ZMYM2: variants seen among roughly 807,000 people sequenced by gnomAD.
ZMYM2 encodes zinc finger MYM-type protein 2.
ZMYM2 carries 56 observed loss-of-function variants against 162.8 expected under a neutral mutation model. The ratio of observed to expected loss-of-function variants is 0.34; its 90% CI spans 0.28 to 0.43. The LOEUF (loss-of-function observed/expected upper bound fraction) is 0.43. Among genes scored for constraint, ZMYM2 ranks in the 20% least tolerant of loss-of-function variants. The pLI is 1.00. For synonymous variants in ZMYM2, 510 were observed against 541.6 expected, an observed-to-expected ratio of 0.94 and a Z score of 0.81; for missense variants, 1,275 against 1,621.8, an observed-to-expected ratio of 0.79 and a Z score of 3.67.
chr13:19,883,045 AC>A, the ZMYM2 span, among the ~76,000 whole-genome samples: 1 of 152,250 alleles, frequency 6.6e-6, no homozygotes, highest in Admixed American at 6.5e-5. Context: ...TGTGGTCTAT[AC>A]ATACAATGGA....
chr13:19,883,302 A>G, the ZMYM2 span, among the ~76,000 whole-genome samples: 2 of 152,186 alleles, frequency 1.3e-5, no homozygotes, highest in Non-Finnish European at 2.9e-5. Flanking sequence ...GGATGATGAA[A>G]ATGTTTTATA....
At chr13:20,056,974 C>T (rs1322903175) in intron 14 of ZMYM2, among the ~76,000 whole-genome samples, 3 of 152,180 alleles carry the variant, frequency 2.0e-5, no homozygotes, top group East Asian at 3.8e-4. Context: ...CAACAAGGCA[C>T]AAGAGCCAGT....
At chr13:19,962,722 C>T (rs1420301261) in intron 2 of ZMYM2, among the ~76,000 whole-genome samples, 1 of 151,170 alleles carries the variant, frequency 6.6e-6, no homozygotes, top group African/African-American at 2.4e-5. Context: ...CAGGATTTCA[C>T]CATGTTGGTC....
Position 20,086,425 on chromosome 13 carries a change from T to G in ZMYM2, c.*411T>G, listed in dbSNP as rs900546112. On this transcript the variant is annotated 3_prime_UTR_variant, in exon 25 of 25. Coordinates refer to ENST00000610343, the MANE Select transcript of ZMYM2 (RefSeq NM_197968.4). Reference sequence around the variant, plus strand: ...CCAGATGGTTGTGTATGGGTAGCACTACTAAAAGTTTAGAACTTGCAGTGT... The same window carrying G: ...CCAGATGGTTGTGTATGGGTAGCACGACTAAAAGTTTAGAACTTGCAGTGT... 1 of 224,586 alleles carries G rather than the reference T, an allele frequency of 4.5e-6. No homozygotes were observed. Among genetic ancestry groups the G allele is most frequent in the African/African-American group, 2.2e-5 (1 of 44,882 alleles). The allele number at this position is 224,586 out of a possible 1,614,324, so 13.9% of individuals were successfully genotyped here.
At chr13:19,958,651 C>G (rs989277879), upstream of ZMYM2, 74 of 152,668 alleles carry the variant, frequency 4.8e-4, no homozygotes, top group Admixed American at 7.8e-4. Flanking sequence ...CTCCGGCCAG[C>G]CTTCCCCGTC....
At position 20,034,419 on chromosome 13, in the gene ZMYM2, C is replaced by T; in HGVS notation, c.2119+15C>T. 2 of 1,521,178 alleles carry T rather than the reference C, an allele frequency of 1.3e-6. No homozygotes were observed. Among genetic ancestry groups the T allele is most frequent in the Non-Finnish European group, 1.8e-6 (2 of 1,136,730 alleles). The allele number at this position is 1,521,178 out of a possible 1,614,324, so 94.2% of individuals were successfully genotyped here. Reference sequence around the variant, plus strand: ...CTGTAGTGAAGGCAAGTTGCATATACAGTGTTGTTCATAACATTTATTGAT... The same window carrying T: ...CTGTAGTGAAGGCAAGTTGCATATATAGTGTTGTTCATAACATTTATTGAT... On this transcript the variant is annotated intron_variant, in intron 11 of 24. Coordinates refer to ENST00000610343, the MANE Select transcript of ZMYM2 (RefSeq NM_197968.4).
intron 4 of ZMYM2, among the ~76,000 whole-genome samples, chr13:20,003,470 T>A (rs906588722): frequency 3.3e-5 from 5 of 152,228 alleles, no homozygotes; most frequent in Non-Finnish European, 7.3e-5. Flanking sequence ...TTTTACCCTG[T>A]CTTCAGATCA....
intron 6 of ZMYM2, among the ~76,000 whole-genome samples, chr13:20,015,060 C>T (rs568759571): frequency 7.9e-5 from 12 of 152,180 alleles, no homozygotes; most frequent in African/African-American, 2.9e-4. Flanking sequence ...CGTGCCTGGA[C>T]TTACTTTCTT....
the ZMYM2 span, among the ~76,000 whole-genome samples, chr13:19,944,970 C>A: frequency 6.6e-6 from 1 of 151,362 alleles, no homozygotes; most frequent in Non-Finnish European, 1.5e-5. Context: ...TGCGCCCGGC[C>A]CCTATTTTTT....
At chr13:19,972,945 T>G (rs1956455372) in intron 2 of ZMYM2, among the ~76,000 whole-genome samples, 1 of 149,936 alleles carries the variant, frequency 6.7e-6, no homozygotes, top group South Asian at 2.1e-4. Flanking sequence ...GTTTTTTTGT[T>G]TTTTTTTTGA....
intron 10 of ZMYM2, among the ~76,000 whole-genome samples, chr13:20,032,110 ATCC>A (rs1953218312): frequency 2.6e-5 from 4 of 152,020 alleles, no homozygotes; most frequent in Non-Finnish European, 5.9e-5. Context: ...ACCTCAACTG[ATCC>A]GCCCACCTCA....
chr13:19,961,793 A>T (rs538134607), intron 2 of ZMYM2, among the ~76,000 whole-genome samples: 73 of 152,346 alleles, frequency 4.8e-4, no homozygotes, highest in African/African-American at 1.6e-3. Flanking sequence ...TTACTTAAAA[A>T]CAGCAACTAG....
At chr13:20,066,219 CAG>C (rs1351629538) in intron 19 of ZMYM2, among the ~76,000 whole-genome samples, 4 of 152,148 alleles carry the variant, frequency 2.6e-5, no homozygotes, top group African/African-American at 4.8e-5. Flanking sequence ...ACAGATTAAA[CAG>C]ATAACTATAT....
intron 2 of ZMYM2, among the ~76,000 whole-genome samples, chr13:19,977,711 C>T (rs1169124842): frequency 6.7e-6 from 1 of 149,658 alleles, no homozygotes; most frequent in African/African-American, 2.5e-5. Flanking sequence ...AGGATGGTCT[C>T]GATCTCCTGA....
chr13:19,961,303 A>G (rs1257219756), intron 2 of ZMYM2, among the ~76,000 whole-genome samples: 1 of 152,202 alleles, frequency 6.6e-6, no homozygotes, highest in Non-Finnish European at 1.5e-5. Flanking sequence ...ACAGTTATCA[A>G]TTAGATTTTT....
chr13:19,930,627 TC>T, the ZMYM2 span, among the ~76,000 whole-genome samples: 4 of 150,474 alleles, frequency 2.7e-5, no homozygotes, highest in Non-Finnish European at 4.4e-5. Flanking sequence ...AGCCTCTGCC[TC>T]CCAGGTTCAA....
At chr13:19,899,503 A>C in the ZMYM2 span, among the ~76,000 whole-genome samples, 1 of 152,006 alleles carries the variant, frequency 6.6e-6, no homozygotes, top group African/African-American at 2.4e-5. Context: ...ATAGAGATAA[A>C]CAAAATAAAG....
At chr13:19,876,215 C>T in the ZMYM2 span, among the ~76,000 whole-genome samples, 17 of 151,970 alleles carry the variant, frequency 1.1e-4, no homozygotes, top group African/African-American at 4.1e-4. Context: ...TTAGTGGAGA[C>T]GAGGTTTCAC....
At chr13:20,065,562 G>C (rs1956610438) in intron 19 of ZMYM2, among the ~76,000 whole-genome samples, 1 of 152,178 alleles carries the variant, frequency 6.6e-6, no homozygotes, top group African/African-American at 2.4e-5. Context: ...ACAGCACTCA[G>C]GAAGGCTGAG....
Sources: allele counts gnomAD v4.1 joint callset (sites outside exome capture counted in the v4.1 genomes callset), GRCh38; gene constraint gnomAD v4.1.1; transcripts MANE v1.5; gene names NCBI Gene and HGNC (gene_info 2026-07-23, HGNC 2026-07-21).